Variants in PPP2R5A observed in about 807,000 individuals in gnomAD.
PPP2R5A encodes serine/threonine-protein phosphatase 2A 56 kDa regulatory subunit alpha isoform.
PPP2R5A carries 25 observed loss-of-function variants against 64.2 expected under a neutral mutation model. The observed-to-expected ratio is 0.39, with a 90% CI of 0.28 to 0.54. The LOEUF (loss-of-function observed/expected upper bound fraction) is 0.54. Among genes scored for constraint, PPP2R5A ranks in the 20% least tolerant of loss-of-function variants. The pLI, the probability that PPP2R5A is intolerant of heterozygous loss-of-function variation, is 0.67. For synonymous variants in PPP2R5A, 198 were observed against 201.2 expected (o/e 0.98, Z 0.13); for missense variants, 425 against 576.3 (o/e 0.74, Z 2.69).
At chr1:212,322,849 G>A (rs1558147346) in intron 1 of PPP2R5A, among the ~76,000 whole-genome samples, 1 of 151,988 alleles carries the variant, frequency 6.6e-6, no homozygotes. Flanking sequence ...GCAGTAGTGG[G>A]ATCTGGGCTC....
intron 1 of PPP2R5A, among the ~76,000 whole-genome samples, chr1:212,307,521 C>T (rs185986092): frequency 6.6e-6 from 1 of 152,228 alleles, no homozygotes; most frequent in Admixed American, 6.5e-5. Flanking sequence ...CTCCCACCTC[C>T]TCCTTTGTGC....
intron 1 of PPP2R5A, among the ~76,000 whole-genome samples, chr1:212,328,523 T>C (rs538474488): frequency 6.6e-6 from 1 of 152,318 alleles, no homozygotes; most frequent in South Asian, 2.1e-4. Flanking sequence ...TAGACAGCTG[T>C]ACTTTGTATA....
intron 1 of PPP2R5A, among the ~76,000 whole-genome samples, chr1:212,322,241 AGAG>A (rs1413417823): frequency 3.1e-4 from 22 of 71,230 alleles, no homozygotes; most frequent in Admixed American, 1.4e-3. Flanking sequence ...AGGGAGAGGG[AGAG>A]GAGGGAGAGG....
At position 212,333,050 on chromosome 1, in the gene PPP2R5A, C is replaced by T. The variant is rs554328950; in HGVS notation, c.379-447C>T. 4.3e-4 allele frequency among the ~76,000 whole-genome samples: 66 copies of T among 151,870 alleles called. 1 individual carries two copies. Among genetic ancestry groups the T allele is most frequent in the Non-Finnish European group, 7.4e-4 (50 of 67,912 alleles). On this transcript the variant is annotated intron_variant, in intron 2 of 12. Transcript: ENST00000261461. ...TCCAGTAGTTAGGACCACAAGTGTG[C>T]GCCACCATGCCTAGCTAATTTTTGT... is the stretch of plus-strand genomic sequence containing the variant.
intron 3 of PPP2R5A, among the ~76,000 whole-genome samples, chr1:212,338,076 C>T (rs1354624452): frequency 6.6e-6 from 1 of 152,152 alleles, no homozygotes; most frequent in Non-Finnish European, 1.5e-5. Context: ...GCCTCTCTGA[C>T]CCAAACATTT....
chr1:212,357,105 A>AG (rs1659990101), intron 10 of PPP2R5A, 36 bp downstream of exon 10: 1 of 1,585,710 alleles, frequency 6.3e-7, no homozygotes, highest in Non-Finnish European at 8.6e-7. Context: ...ACTTTACACT[A>AG]GTATTTCTTT....
At chr1:212,319,810 G>T (rs1313303601) in intron 1 of PPP2R5A, among the ~76,000 whole-genome samples, 3 of 151,160 alleles carry the variant, frequency 2.0e-5, no homozygotes, top group African/African-American at 7.3e-5. Flanking sequence ...TTTAGTAGAG[G>T]TGGGGTTTCA....
intron 1 of PPP2R5A, among the ~76,000 whole-genome samples, chr1:212,293,587 T>C (rs1408052544): frequency 6.6e-6 from 1 of 152,222 alleles, no homozygotes; most frequent in Non-Finnish European, 1.5e-5. Flanking sequence ...TCTGTCTTTT[T>C]GAACTGTTAC....
At chr1:212,349,103 G>A (rs1308582219) in intron 7 of PPP2R5A, 86 bp from the exon 8 acceptor site, 8 of 829,556 alleles carry the variant, frequency 9.6e-6, no homozygotes, top group Non-Finnish European at 1.4e-5. Flanking sequence ...AAATGAGGTA[G>A]TCTAAAAAAT....
chr1:212,341,017 G>T (rs1367472214), intron 3 of PPP2R5A, among the ~76,000 whole-genome samples: 2 of 151,932 alleles, frequency 1.3e-5, no homozygotes, highest in Non-Finnish European at 1.5e-5. Context: ...TATTTTTAGG[G>T]TGTTAAATTG....
intron 1 of PPP2R5A, among the ~76,000 whole-genome samples, chr1:212,312,553 T>C (rs1044187169): frequency 6.6e-6 from 1 of 152,222 alleles, no homozygotes. Context: ...GACTAGAATT[T>C]TAGCTTTTTT....
chr1:212,347,293 C>A, intron 5 of PPP2R5A, 54 bp from the exon 6 acceptor site: 1 of 1,283,178 alleles, frequency 7.8e-7, no homozygotes, highest in South Asian at 1.3e-5. Context: ...GCCTGTTTCT[C>A]TTAGTTTTCT....
At chr1:212,288,926 C>G (rs1253978670) in intron 1 of PPP2R5A, among the ~76,000 whole-genome samples, 1 of 152,180 alleles carries the variant, frequency 6.6e-6, no homozygotes, top group Non-Finnish European at 1.5e-5. Context: ...TTCCTCAAAC[C>G]ATAGTAAGGA....
intron 1 of PPP2R5A, among the ~76,000 whole-genome samples, chr1:212,292,506 A>T (rs1057417085): frequency 1.3e-5 from 2 of 152,070 alleles, no homozygotes; most frequent in Non-Finnish European, 2.9e-5. Flanking sequence ...TCCCCTTTAG[A>T]TTGTGCTGCT....
intron 4 of PPP2R5A, among the ~76,000 whole-genome samples, chr1:212,343,289 C>T (rs935104415): frequency 7.9e-5 from 12 of 152,142 alleles, no homozygotes; most frequent in Non-Finnish European, 2.9e-5. Context: ...TGGCTGGCCC[C>T]AAAGAAAATT....
chr1:212,299,911 C>CA (rs1658769225), intron 1 of PPP2R5A, among the ~76,000 whole-genome samples: 2 of 151,554 alleles, frequency 1.3e-5, no homozygotes, highest in African/African-American at 2.4e-5. Flanking sequence ...ATCATGGGTT[C>CA]AAGCAGTTCT....
chr1:212,294,153 A>G (rs1481304217), intron 1 of PPP2R5A, among the ~76,000 whole-genome samples: 1 of 152,152 alleles, frequency 6.6e-6, no homozygotes, highest in Non-Finnish European at 1.5e-5. Flanking sequence ...AAAAAATTGT[A>G]TATTTTGTCT....
chr1:212,300,522 G>A (rs900973144), intron 1 of PPP2R5A, among the ~76,000 whole-genome samples: 14 of 152,098 alleles, frequency 9.2e-5, no homozygotes, highest in Admixed American at 4.6e-4. Context: ...AACAATGGTA[G>A]AAAGTAAAAA....
chr1:212,344,783 A>G (rs892499474), intron 4 of PPP2R5A, among the ~76,000 whole-genome samples: 1 of 152,166 alleles, frequency 6.6e-6, no homozygotes, highest in Non-Finnish European at 1.5e-5. Flanking sequence ...TGTGCAGAAT[A>G]TAGGAGTACA....
Sources: gnomAD v4.1 joint callset for allele counts (sites outside exome capture counted in the v4.1 genomes callset) on GRCh38, gnomAD v4.1.1 for gene constraint, MANE v1.5 for transcripts, NCBI Gene and HGNC (gene_info 2026-07-23, HGNC 2026-07-21) for gene names.